The following VPS13B variants were observed in gnomAD, a reference collection of about 807,000 sequenced individuals.
The protein encoded by VPS13B is vacuolar protein sorting 13 homolog B, also known as intermembrane lipid transfer protein VPS13B.
A neutral mutation model predicts 426.4 loss-of-function variants in VPS13B; 285 were observed. That is an observed-to-expected ratio of 0.67 (90% CI 0.61 to 0.74). The LOEUF is 0.74. Ranked by LOEUF, VPS13B falls within the 30% of genes least tolerant of loss-of-function variation. The pLI is 0.00. For missense variants in VPS13B, 4,537 were observed against 4,782.6 expected, an observed-to-expected ratio of 0.95 and a Z score of 1.51; for synonymous variants, 1,676 against 1,676.4, an observed-to-expected ratio of 1.00 and a Z score of 0.01.
intron 40 of VPS13B, among the ~76,000 whole-genome samples, chr8:99,776,109 G>A (rs1394628910): frequency 6.6e-6 from 1 of 152,128 alleles, no homozygotes; most frequent in Admixed American, 6.5e-5. Flanking sequence ...GGACAATCTG[G>A]AGAAGTAAAA....
At chr8:99,777,009 T>C (rs993419216) in intron 41 of VPS13B, 53 bp downstream of exon 41, 2 of 1,567,598 alleles carry the variant, frequency 1.3e-6, no homozygotes, top group African/African-American at 1.4e-5. Context: ...TACCATTTTC[T>C]CTTGAGTGTT....
At chr8:99,560,844 C>T (rs1246465418) in intron 31 of VPS13B, among the ~76,000 whole-genome samples, 6 of 152,226 alleles carry the variant, frequency 3.9e-5, no homozygotes, top group Admixed American at 2.0e-4. Flanking sequence ...TAGGAGGTGC[C>T]AGCTTATAAA....
intron 17 of VPS13B, chr8:99,234,457 A>T (rs564283801): frequency 3.3e-6 from 2 of 600,876 alleles, no homozygotes; most frequent in Admixed American, 1.9e-5. Context: ...ATTCCACTTT[A>T]CCTTGGCCTC....
intron 30 of VPS13B, among the ~76,000 whole-genome samples, chr8:99,534,018 C>A (rs893102111): frequency 2.6e-5 from 4 of 152,174 alleles, no homozygotes; most frequent in Non-Finnish European, 5.9e-5. Flanking sequence ...GACATTATGA[C>A]CCTAATCCTA....
chr8:99,389,135 C>T (rs1041982131), intron 20 of VPS13B, among the ~76,000 whole-genome samples: 4 of 151,572 alleles, frequency 2.6e-5, no homozygotes, highest in South Asian at 4.2e-4. Flanking sequence ...GGTGACAGAG[C>T]GAGACTCTGT....
At chr8:99,653,069 C>G (rs1030856322) in intron 34 of VPS13B, among the ~76,000 whole-genome samples, 1 of 152,126 alleles carries the variant, frequency 6.6e-6, no homozygotes, top group Non-Finnish European at 1.5e-5. Context: ...CTCTTTCATG[C>G]AAACAGCTAA....
At chr8:99,816,835 TA>T (rs955758148) in intron 44 of VPS13B, among the ~76,000 whole-genome samples, 2 of 151,740 alleles carry the variant, frequency 1.3e-5, no homozygotes, top group African/African-American at 2.4e-5. Flanking sequence ...CTGAATAAAA[TA>T]AAAAAAATTA....
chr8:99,036,112 A>G (rs1563497311), intron 2 of VPS13B, among the ~76,000 whole-genome samples: 1 of 150,956 alleles, frequency 6.6e-6, no homozygotes, highest in Non-Finnish European at 1.5e-5. Context: ...TGTCTTTTTT[A>G]CTCTTTTTCC....
intron 3 of VPS13B, among the ~76,000 whole-genome samples, chr8:99,084,615 A>G (rs1226372370): frequency 6.6e-6 from 1 of 152,116 alleles, no homozygotes; most frequent in African/African-American, 2.4e-5. Flanking sequence ...CCCTCTACAC[A>G]CTGCTTTGAA....
chr8:99,442,382 T>A lies in VPS13B; in HGVS notation c.3211-19T>A, dbSNP rs769469976. ...ATTTAGTCTAATCCGAATATTTTAA[T>A]TCTGCTTTTCTTTTCTAGCTTGAAG... On this transcript the variant is annotated intron_variant, in intron 22 of 61. Transcript: ENST00000357162. 1 of 1,604,590 alleles carries A rather than the reference T, an allele frequency of 6.2e-7. No homozygotes were observed. Among genetic ancestry groups the A allele is most frequent in the South Asian group, 1.1e-5 (1 of 90,822 alleles).
chr8:99,271,355 A>C (rs550344788), intron 17 of VPS13B, among the ~76,000 whole-genome samples: 22 of 152,120 alleles, frequency 1.4e-4, no homozygotes, highest in Non-Finnish European at 2.8e-4. Flanking sequence ...AAAATGCATA[A>C]ATATACAGCA....
intron 2 of VPS13B, among the ~76,000 whole-genome samples, chr8:99,028,812 A>C (rs1587934112): frequency 1.2e-5 from 1 of 80,944 alleles, no homozygotes; most frequent in Non-Finnish European, 2.4e-5. Context: ...GGAGCCCCTC[A>C]CCTCCCAGAT....
intron 33 of VPS13B, among the ~76,000 whole-genome samples, chr8:99,610,380 C>T (rs1827791176): frequency 6.6e-6 from 1 of 152,164 alleles, no homozygotes; most frequent in Admixed American, 6.5e-5. Flanking sequence ...GAAAACGTGG[C>T]ACATGTACAC....
chr8:99,696,156 G>T, intron 35 of VPS13B: 1 of 165,606 alleles, frequency 6.0e-6, no homozygotes. Flanking sequence ...ATGGTTGCGG[G>T]ACCTCGGTGC....
At chr8:99,017,616 C>G (rs968779402) in intron 2 of VPS13B, among the ~76,000 whole-genome samples, 1 of 151,966 alleles carries the variant, frequency 6.6e-6, no homozygotes, top group East Asian at 1.9e-4. Flanking sequence ...CTGCAGCCTC[C>G]GTAGTAGCTG....
At chr8:99,247,542 T>C (rs1318943912) in intron 17 of VPS13B, among the ~76,000 whole-genome samples, 1 of 152,230 alleles carries the variant, frequency 6.6e-6, no homozygotes, top group Admixed American at 6.5e-5. Flanking sequence ...TCTTGGCTTT[T>C]ACTGGTAGTG....
intron 17 of VPS13B, among the ~76,000 whole-genome samples, chr8:99,267,984 G>T (rs185815850): frequency 1.3e-5 from 2 of 152,098 alleles, no homozygotes; most frequent in Admixed American, 1.3e-4. Context: ...CTCTGTCCCC[G>T]CCATTCTAGT....
In VPS13B at chr8:99,055,883, C is replaced by T. The variant is rs531691525; in HGVS notation, c.291+17317C>T. 4.5e-4 allele frequency among the ~76,000 whole-genome samples: 67 copies of T among 148,958 alleles called. 1 individual carries two copies. Among genetic ancestry groups the T allele is most frequent in the Non-Finnish European group, 5.9e-5 (4 of 67,584 alleles). ...TAGCTGGGACCACGGGCACATGCCACAGTGCCTGGCTAATTAATTTTTTTT... is the reference window on the plus strand; with the variant it reads ...TAGCTGGGACCACGGGCACATGCCATAGTGCCTGGCTAATTAATTTTTTTT... On this transcript the variant is annotated intron_variant, in intron 3 of 61. Coordinates refer to ENST00000357162, the MANE Select transcript of VPS13B (RefSeq NM_152564.5).
At chr8:99,276,326 C>T (rs1818893270) in intron 19 of VPS13B, among the ~76,000 whole-genome samples, 1 of 152,040 alleles carries the variant, frequency 6.6e-6, no homozygotes, top group South Asian at 2.1e-4. Flanking sequence ...GGACAGCACA[C>T]CTCAAAAATA....
Sources: gnomAD v4.1 joint callset for allele counts (sites outside exome capture counted in the v4.1 genomes callset) on GRCh38, gnomAD v4.1.1 for gene constraint, MANE v1.5 for transcripts, NCBI Gene and HGNC (gene_info 2026-07-23, HGNC 2026-07-21) for gene names.